The following RGS7 variants were observed in gnomAD, a reference collection of about 807,000 sequenced individuals.
The protein encoded by RGS7 is regulator of G protein signaling 7, also known as regulator of G-protein signaling 7.
A neutral mutation model predicts 81.1 loss-of-function variants in RGS7; 27 were observed. That is an observed-to-expected ratio of 0.33 (90% CI 0.25 to 0.46). The LOEUF (loss-of-function observed/expected upper bound fraction) is 0.46. Among genes scored for constraint, RGS7 ranks in the 20% least tolerant of loss-of-function variants. The pLI, the probability that RGS7 is intolerant of heterozygous loss-of-function variation, is 1.00. For synonymous variants in RGS7, 208 were observed against 207.7 expected, an observed-to-expected ratio of 1.00 and a Z score of -0.01; for missense variants, 396 against 607.4, an observed-to-expected ratio of 0.65 and a Z score of 3.66.
At chr1:240,834,079 G>A (rs931108962) in intron 9 of RGS7, among the ~76,000 whole-genome samples, 3 of 152,188 alleles carry the variant, frequency 2.0e-5, no homozygotes, top group Non-Finnish European at 4.4e-5. Context: ...GAAGCACTGT[G>A]CCTAGCCAGG....
In RGS7 at chr1:241,059,944, A is replaced by T. The variant is rs149355862; in HGVS notation, c.175+38722T>A. On this transcript the variant is annotated intron_variant, in intron 3 of 18. Coordinates refer to ENST00000440928, the MANE Select transcript of RGS7 (RefSeq NM_001364886.1). ...CTGGACATTAGTCTTAACTTCTCCC[A>T]TTCTCATCATATCCACAGTCAGTCA... Among the ~76,000 whole-genome samples the T allele has an allele frequency of 9.2e-5, 14 of 152,300 alleles. No individual in the cohort carries two copies. The South Asian group carries it at 1.2e-3, about 14-fold the overall frequency.
At chr1:241,299,050 G>T (rs568413159) in intron 2 of RGS7, among the ~76,000 whole-genome samples, 6 of 152,160 alleles carry the variant, frequency 3.9e-5, no homozygotes, top group Admixed American at 3.9e-4. Flanking sequence ...GGGAAGCCCA[G>T]AGCTGGCAAA....
At chr1:240,834,519 T>C (rs966053961) in intron 9 of RGS7, among the ~76,000 whole-genome samples, 1 of 152,138 alleles carries the variant, frequency 6.6e-6, no homozygotes, top group Non-Finnish European at 1.5e-5. Context: ...TTTTTTTGTT[T>C]GTTTGTTTTG....
intron 18 of RGS7, among the ~76,000 whole-genome samples, chr1:240,798,411 T>G (rs1687435477): frequency 1.3e-5 from 2 of 152,122 alleles, no homozygotes; most frequent in Non-Finnish European, 2.9e-5. Context: ...GGCTGGAACA[T>G]GTAAATCAAC....
intron 2 of RGS7, among the ~76,000 whole-genome samples, chr1:241,143,077 C>A (rs2068049114): frequency 6.6e-6 from 1 of 152,190 alleles, no homozygotes; most frequent in Non-Finnish European, 1.5e-5. Context: ...CAACAAGTTC[C>A]TCATCTCCAT....
In RGS7 at chr1:241,188,515, G is replaced by A. The variant is rs28422944; in HGVS notation, c.79-89753C>T. Among the ~76,000 whole-genome samples, 467 of 152,030 alleles carry A rather than the reference G, an allele frequency of 3.1e-3. 4 individuals carry two copies. The highest frequency in any genetic ancestry group is 0.011 in the African/African-American group (450 of 41,474). ...AGCAGAGTGTTAAACTCTGGTAATA[G>A]AAAAAATATATTTTTTTCTTTTAAT... is the stretch of plus-strand genomic sequence containing the variant. On this transcript the variant is annotated intron_variant, in intron 2 of 18. Transcript: ENST00000440928.
chr1:240,899,902 C>G (rs569912899), intron 6 of RGS7, among the ~76,000 whole-genome samples: 11 of 152,304 alleles, frequency 7.2e-5, no homozygotes, highest in Admixed American at 5.9e-4. Flanking sequence ...GTTCCATTCT[C>G]CCTGTCAATT....
intron 9 of RGS7, among the ~76,000 whole-genome samples, chr1:240,828,754 G>A (rs942998421): frequency 4.6e-5 from 7 of 152,266 alleles, no homozygotes; most frequent in East Asian, 3.9e-4. Flanking sequence ...GCCAATGCAC[G>A]CTAGCCTGGG....
intron 3 of RGS7, among the ~76,000 whole-genome samples, chr1:241,068,224 T>TTGTGTGTGTGTGTGTGTGTG (rs71568983): frequency 0.24 from 12,401 of 52,302 alleles, 3,854 homozygotes; most frequent in East Asian, 0.34. Flanking sequence ...TATCCATAAA[T>TTGTGTGTGTGTGTGTGTGTG]TGTGTGTGTG....
At chr1:241,055,555 C>G (rs2148818193) in intron 3 of RGS7, among the ~76,000 whole-genome samples, 1 of 152,288 alleles carries the variant, frequency 6.6e-6, no homozygotes, top group South Asian at 2.1e-4. Context: ...ACAAAGGATA[C>G]AGATGAACAG....
chr1:241,140,088 CT>C (rs1486998798), intron 2 of RGS7, among the ~76,000 whole-genome samples: 1 of 152,188 alleles, frequency 6.6e-6, no homozygotes, highest in Non-Finnish European at 1.5e-5. Context: ...CATCTGTGCT[CT>C]GGAGGCTGAC....
intron 2 of RGS7, among the ~76,000 whole-genome samples, chr1:241,192,625 C>T (rs1390096518): frequency 2.6e-5 from 4 of 152,124 alleles, no homozygotes; most frequent in African/African-American, 7.2e-5. Context: ...AATAATTTAT[C>T]CATGAAACAA....
intron 3 of RGS7, among the ~76,000 whole-genome samples, chr1:240,986,042 T>C (rs1384316339): frequency 6.6e-6 from 1 of 152,028 alleles, no homozygotes; most frequent in Non-Finnish European, 1.5e-5. Flanking sequence ...TGTAGAAAAT[T>C]GTAGCATTCT....
chr1:241,183,296 G>A (rs868803225), intron 2 of RGS7, among the ~76,000 whole-genome samples: 2 of 152,120 alleles, frequency 1.3e-5, no homozygotes, highest in Admixed American at 1.3e-4. Flanking sequence ...ATTTGGTTGC[G>A]TGCCTATCTA....
Position 240,842,199 on chromosome 1 carries a change from A to ATTTTTTTTT in RGS7, c.610-15036_610-15028dup, listed in dbSNP as rs568381066. ...TGATTTCAGATTATGTTTGTCAGGAATTTTTTTTTTTTTTTTTGAGACAGA... is the reference window on the plus strand; with the variant it reads ...TGATTTCAGATTATGTTTGTCAGGAATTTTTTTTTTTTTTTTTTTTTTTTTTGAGACAGA... On this transcript the variant is annotated intron_variant, in intron 9 of 18. Coordinates refer to ENST00000440928, the MANE Select transcript of RGS7 (RefSeq NM_001364886.1). 1.5e-3 allele frequency among the ~76,000 whole-genome samples: 117 copies of ATTTTTTTTT among 78,698 alleles called. 30 individuals carry two copies. The highest frequency in any genetic ancestry group is 2.4e-3 in the Non-Finnish European group (97 of 39,728). The allele number at this position is 78,698 out of a possible 152,430, so 51.6% of individuals were successfully genotyped here.
intron 9 of RGS7, among the ~76,000 whole-genome samples, chr1:240,859,900 G>A (rs748775439): frequency 7.2e-5 from 11 of 152,068 alleles, no homozygotes; most frequent in Non-Finnish European, 8.8e-5. Context: ...TTTTGATAAA[G>A]CATATTTTTA....
In RGS7 at chr1:241,186,523, A is replaced by T. The variant is rs999721497; in HGVS notation, c.79-87761T>A. 2.1e-3 allele frequency: 570 copies of T among 277,866 alleles called. 2 individuals are homozygous for T. The highest frequency in any genetic ancestry group is 8.1e-3 in the East Asian group (38 of 4,708). 17.2% of individuals were successfully genotyped at this position (277,866 alleles called of 1,614,324 possible). A position where few individuals can be genotyped will look rare whatever the true frequency, so the allele number is the denominator to read the frequency against. On this transcript the variant is annotated intron_variant, in intron 2 of 18. Coordinates refer to ENST00000440928, the MANE Select transcript of RGS7 (RefSeq NM_001364886.1). ...ACATTTCCTAACCATATATATATATATTTTTTTTTTTTTTTTTTGAGACGG... is the reference window on the plus strand; with the variant it reads ...ACATTTCCTAACCATATATATATATTTTTTTTTTTTTTTTTTTTGAGACGG...
chr1:241,035,374 A>C (rs187952679), intron 3 of RGS7, among the ~76,000 whole-genome samples: 87 of 152,090 alleles, frequency 5.7e-4, no homozygotes, highest in African/African-American at 2.0e-3. Flanking sequence ...AAAAAAATAT[A>C]GTACTCTGAG....
intron 3 of RGS7, among the ~76,000 whole-genome samples, chr1:241,026,320 A>G (rs1713547): frequency 0.44 from 67,147 of 151,792 alleles, 15,221 homozygotes; most frequent in Middle Eastern, 0.54. Flanking sequence ...GGGTGCGGTG[A>G]CTCCTGCCTG....
Sources: allele counts gnomAD v4.1 joint callset (sites outside exome capture counted in the v4.1 genomes callset), GRCh38; gene constraint gnomAD v4.1.1; transcripts MANE v1.5; gene names NCBI Gene and HGNC (gene_info 2026-07-23, HGNC 2026-07-21).